PARP4: variants seen among roughly 807,000 people sequenced by gnomAD.
PARP4 encodes the protein protein mono-ADP-ribosyltransferase PARP4.
A neutral mutation model predicts 187.7 loss-of-function variants in PARP4; 120 were observed. The observed-to-expected ratio is 0.64, with a 90% CI of 0.55 to 0.74. The LOEUF (loss-of-function observed/expected upper bound fraction) is 0.74. PARP4 is among the 30% of genes least tolerant of loss of function. The probability of loss-of-function intolerance (pLI) is 0.00; values close to 1 mark genes in which losing one functional copy is unlikely to be tolerated. For synonymous variants in PARP4, 654 were observed against 740.9 expected (o/e 0.88, Z 1.90); for missense variants, 1,836 against 2,070.5 (o/e 0.89, Z 2.20).
chr13:24,494,834 T>C (rs1449761751), intron 6 of PARP4, 112 bp from the exon 7 acceptor site: 1 of 651,406 alleles, frequency 1.5e-6, no homozygotes, highest in Non-Finnish European at 2.5e-6. Flanking sequence ...AATTAGTTTT[T>C]TTCAAAGAAT....
chr13:24,485,794 A>G (rs1873520890), intron 11 of PARP4, among the ~76,000 whole-genome samples: 1 of 152,232 alleles, frequency 6.6e-6, no homozygotes, highest in South Asian at 2.1e-4. Context: ...TCTTCATACG[A>G]TACAGTCTTC....
Position 24,459,313 on chromosome 13 carries a change from G to C in PARP4, c.2299-3C>G. The C allele has an allele frequency of 6.5e-7, 1 of 1,543,970 alleles. No individual in the cohort carries two copies. Among genetic ancestry groups the C allele is most frequent in the Non-Finnish European group, 8.8e-7 (1 of 1,135,456 alleles). ...ATACAAATCTTCTCTACTGTATCCT[G>C]TTAAAAGAAAAATACATTTGTATAA... On this transcript the variant is annotated splice_region_variant and splice_polypyrimidine_tract_variant and intron_variant, in intron 18 of 33. Coordinates refer to ENST00000381989, the MANE Select transcript of PARP4 (RefSeq NM_006437.4).
At chr13:24,453,480 A>G in intron 23 of PARP4, 107 bp downstream of exon 23, 1 of 596,912 alleles carries the variant, frequency 1.7e-6, no homozygotes, top group Non-Finnish European at 3.0e-6. Flanking sequence ...CAAAAACCAC[A>G]GGAGTAGGGG....
In PARP4 at chr13:24,443,763, C is replaced by A. The variant is rs779884702; in HGVS notation, c.3367-33G>T. 9 of 1,424,750 alleles carry A rather than the reference C, an allele frequency of 6.3e-6. 1 individual carries two copies. The Middle Eastern group carries it at 5.2e-4, about 83-fold the overall frequency. The allele number at this position is 1,424,750 out of a possible 1,614,324, so 88.3% of individuals were successfully genotyped here. A position where few individuals can be genotyped will look rare whatever the true frequency, so the allele number is the denominator to read the frequency against. ...TAAGCAGCAAAGGAAAAAAAATATT[C>A]ACATGGCTTCTAATATAAGACTTGC... On this transcript the variant is annotated intron_variant, in intron 27 of 33. Coordinates refer to ENST00000381989, the MANE Select transcript of PARP4 (RefSeq NM_006437.4).
intron 15 of PARP4, among the ~76,000 whole-genome samples, chr13:24,470,864 GTTAA>G (rs146429386): frequency 0.09 from 13,739 of 152,124 alleles, 738 homozygotes; most frequent in East Asian, 0.27. Context: ...AGGAGTCCTT[GTTAA>G]TATGAGCAAT....
chr13:24,455,417 T>C (rs1488761745), intron 21 of PARP4, among the ~76,000 whole-genome samples: 1 of 149,144 alleles, frequency 6.7e-6, no homozygotes, highest in Non-Finnish European at 1.5e-5. Context: ...ACTTCTGACA[T>C]AAACTTCTGA....
chr13:24,460,115 C>CA lies in PARP4; in HGVS notation c.2154dup (p.Gly719TrpfsTer6). ...ACCTTAGCCTTAGGGGGTAAGTTTC[C>CA]AACACTTACAGTAAAAACGTCCTGA... On this transcript the variant is annotated frameshift_variant, in exon 18 of 34. Transcript: ENST00000381989. LOFTEE classifies it high-confidence loss of function. 3.1e-6 allele frequency: 5 copies of CA among 1,612,716 alleles called. No individual in the cohort carries two copies. Among genetic ancestry groups the CA allele is most frequent in the Non-Finnish European group, 4.2e-6 (5 of 1,179,524 alleles).
chr13:24,502,891 A>C lies in PARP4; in HGVS notation c.132+754T>G, dbSNP rs554007612. On this transcript the variant is annotated intron_variant, in intron 2 of 33. Transcript: ENST00000381989. ...GCTGGAGTTGAACACGCTTCACAGA[A>C]CAGATGAGGCTCACAATGGCCAAGC... 2.0e-5 allele frequency among the ~76,000 whole-genome samples: 3 copies of C among 152,350 alleles called. No individual in the cohort carries two copies. The East Asian group carries it at 5.8e-4, about 29-fold the overall frequency.
chr13:24,477,841 A>G lies in PARP4; in HGVS notation c.1649T>C (p.Val550Ala). The change falls in exon 14 of 34, where the codon GTC (valine) becomes GCC (alanine). Residue 550 changes from valine to alanine, a missense_variant. This residue lies in a region of PARP4 where 1,147 missense variants were observed against 1,214.2 expected (regional missense o/e 0.94). Coordinates refer to ENST00000381989, the MANE Select transcript of PARP4 (RefSeq NM_006437.4). ...TTDFEDDEFV[V>A]YKTNQVKMKY... ...CATTTTAACCTGATTGGTTTTATAGACAACAAATTCATCATCCTAGAGCAA... is the reference window on the plus strand; with the variant it reads ...CATTTTAACCTGATTGGTTTTATAGGCAACAAATTCATCATCCTAGAGCAA... The G allele has an allele frequency of 6.3e-7, 1 of 1,578,146 alleles. No homozygotes were observed. The highest frequency in any genetic ancestry group is 8.6e-7 in the Non-Finnish European group (1 of 1,165,290).
Position 24,494,680 on chromosome 13 carries a change from T to C in PARP4, c.634A>G (p.Ser212Gly), listed in dbSNP as rs768462963. The change falls in exon 7 of 34, where the codon AGT (serine) becomes GGT (glycine). Residue 212 changes from serine to glycine, a missense_variant. Ser to Gly is a moderately conservative substitution (Grantham distance 56, BLOSUM62 0). Coordinates refer to ENST00000381989, the MANE Select transcript of PARP4 (RefSeq NM_006437.4). The stretch of plus-strand genomic sequence containing the variant: ...TCAATGTAATTTTCAAAGTATTCAC[T>C]TGCATCTTCAGAGGTTTTCTTTATA... ...FAIKKTSEDA[S>G]EYFENYIEEL... 1 of 1,609,624 alleles carries C rather than the reference T, an allele frequency of 6.2e-7. No homozygotes were observed. Among genetic ancestry groups the C allele is most frequent in the Non-Finnish European group, 8.5e-7 (1 of 1,176,476 alleles).
chr13:24,431,556 G>T (rs1479294524), intron 31 of PARP4, 80 bp from the exon 32 acceptor site: 8 of 883,462 alleles, frequency 9.1e-6, no homozygotes, highest in Non-Finnish European at 1.5e-5. Context: ...GGGAAGGAGT[G>T]GGGCAAGGGT....
intron 12 of PARP4, among the ~76,000 whole-genome samples, chr13:24,484,420 A>G (rs1593637511): frequency 1.3e-5 from 2 of 151,898 alleles, no homozygotes. Flanking sequence ...TGATCCTCCC[A>G]CCCTGGCCTC....
In PARP4 at chr13:24,421,240, G is replaced by A. The variant is rs972839872; in HGVS notation, c.5054C>T (p.Ser1685Phe). 4.0e-5 allele frequency: 54 copies of A among 1,346,192 alleles called. 1 individual carries two copies. In the Middle Eastern group the frequency reaches 4.3e-3, roughly 106 times the overall value. The allele number at this position is 1,346,192 out of a possible 1,614,324, so 83.4% of individuals were successfully genotyped here. A position where few individuals can be genotyped will look rare whatever the true frequency, so the allele number is the denominator to read the frequency against. Reference protein sequence around the residue: ...WVRRTEGQYPSICPRLELGND... With the variant: ...WVRRTEGQYPFICPRLELGND... Reference sequence around the variant, plus strand: ...CCCCAGTTCAAGCCGTGGGCAGATAGATGGGTACTGTCCTTCAGTTCTTCT... The same window carrying A: ...CCCCAGTTCAAGCCGTGGGCAGATAAATGGGTACTGTCCTTCAGTTCTTCT... Residue 1685 changes from serine (S) to phenylalanine (F), a missense_variant, in exon 34 of 34, where the codon TCT becomes TTT. Ser to Phe is a radical substitution (Grantham distance 155). Transcript: ENST00000381989.
chr13:24,469,939 C>A lies in PARP4; in HGVS notation c.2001G>T (p.Val667=), dbSNP rs773375648. 3.7e-6 allele frequency: 6 copies of A among 1,613,746 alleles called. No individual in the cohort carries two copies. The African/African-American group carries it at 8.0e-5, about 22-fold the overall frequency. The change falls in exon 16 of 34, where the codon GTG becomes GTT. Residue 667 remains valine (V), a synonymous_variant. Coordinates refer to ENST00000381989, the MANE Select transcript of PARP4 (RefSeq NM_006437.4). ...YIFPLDDKAA[V]CGFEAFINGK... ...CATTGATGAAGGCTTCGAAGCCACA[C>A]ACAGCGGCCTTGTCATCCAAAGGAA...
chr13:24,495,560 C>T (rs1233457127), intron 6 of PARP4, among the ~76,000 whole-genome samples: 1 of 152,190 alleles, frequency 6.6e-6, no homozygotes, highest in Non-Finnish European at 1.5e-5. Context: ...ACTTTCTGCT[C>T]TTCTGGGCAA....
At chr13:24,484,583 C>T in intron 12 of PARP4, 70 bp downstream of exon 12, 1 of 1,056,860 alleles carries the variant, frequency 9.5e-7, no homozygotes, top group Non-Finnish European at 1.5e-6. Flanking sequence ...AACTCCCTCA[C>T]CAAGGAAAGA....
chr13:24,503,143 G>A (rs1473217861), intron 2 of PARP4, among the ~76,000 whole-genome samples: 2 of 152,216 alleles, frequency 1.3e-5, no homozygotes, highest in African/African-American at 4.8e-5. Flanking sequence ...AAGTTCAAGA[G>A]GCAGAAGGTA....
chr13:24,438,618 G>T (rs1245248116), intron 30 of PARP4, among the ~76,000 whole-genome samples: 1 of 152,224 alleles, frequency 6.6e-6, no homozygotes, highest in African/African-American at 2.4e-5. Flanking sequence ...AGGGAACGAA[G>T]TGGATTTGGG....
chr13:24,462,041 T>C (rs734715), intron 17 of PARP4, among the ~76,000 whole-genome samples: 77,280 of 151,866 alleles, frequency 0.51, 19,994 homozygotes, highest in South Asian at 0.65. Context: ...TGGCTGCCAC[T>C]AAGATAGGAC....
Sources: gnomAD v4.1 joint callset for allele counts (sites outside exome capture counted in the v4.1 genomes callset) on GRCh38, gnomAD v4.1.1 for gene constraint, gnomAD v4.1.1 regional missense constraint, MANE v1.5 for transcripts, NCBI Gene and HGNC (gene_info 2026-07-23, HGNC 2026-07-21) for gene names.